Variants in SBF2 observed in about 807,000 individuals in gnomAD.
SBF2 encodes SET binding factor 2.
SBF2 carries 112 observed loss-of-function variants against 225.2 expected under a neutral mutation model. The observed-to-expected ratio is 0.50, with a 90% CI of 0.43 to 0.58. The LOEUF (loss-of-function observed/expected upper bound fraction) is 0.58. Ranked by LOEUF, SBF2 falls within the 20% of genes least tolerant of loss-of-function variation. The pLI is 0.00. For synonymous variants in SBF2, 763 were observed against 773.3 expected (o/e 0.99, Z 0.22); for missense variants, 1,996 against 2,206.2 (o/e 0.90, Z 1.91).
At chr11:10,080,063 C>T (rs2134857875) in intron 2 of SBF2, among the ~76,000 whole-genome samples, 1 of 151,988 alleles carries the variant, frequency 6.6e-6, no homozygotes, top group South Asian at 2.1e-4. Flanking sequence ...GCCTGGCCAA[C>T]ATGGTGAAAC....
At chr11:9,898,065 G>A (rs73418601) in intron 16 of SBF2, among the ~76,000 whole-genome samples, 2,262 of 152,232 alleles carry the variant, frequency 0.015, 48 homozygotes, top group African/African-American at 0.051. Context: ...GAAAACAGGA[G>A]GAAGAGTCAG....
chr11:10,059,682 C>T (rs937744025), intron 2 of SBF2, among the ~76,000 whole-genome samples: 1 of 152,144 alleles, frequency 6.6e-6, no homozygotes, highest in African/African-American at 2.4e-5. Flanking sequence ...CAAACACACT[C>T]TTGGACCACA....
Position 10,228,277 on chromosome 11 carries a change from T to C in SBF2, c.56-34290A>G, listed in dbSNP as rs1958668390. Among the ~76,000 whole-genome samples the C allele has an allele frequency of 2.0e-5, 3 of 152,316 alleles. No individual in the cohort carries two copies. The South Asian group carries it at 6.2e-4, about 32-fold the overall frequency. ...TCATGTCATCTGCAAACAGGGACAGTTTGACTTCCTCTTTTCCTAATTGAA... is the reference window on the plus strand; with the variant it reads ...TCATGTCATCTGCAAACAGGGACAGCTTGACTTCCTCTTTTCCTAATTGAA... On this transcript the variant is annotated intron_variant, in intron 1 of 39. Transcript: ENST00000256190.
At chr11:9,946,623 T>C (rs564971246) in intron 16 of SBF2, among the ~76,000 whole-genome samples, 2 of 152,206 alleles carry the variant, frequency 1.3e-5, no homozygotes, top group African/African-American at 4.8e-5. Flanking sequence ...GCTAATTTTG[T>C]ATTTTTAATA....
chr11:10,101,184 C>T (rs1278106139), intron 2 of SBF2, among the ~76,000 whole-genome samples: 2 of 152,076 alleles, frequency 1.3e-5, no homozygotes, highest in African/African-American at 4.8e-5. Flanking sequence ...ACAGGCCTGA[C>T]TCGGGGAGAC....
chr11:10,111,751 C>T (rs1194174994), intron 2 of SBF2, among the ~76,000 whole-genome samples: 2 of 152,206 alleles, frequency 1.3e-5, no homozygotes, highest in African/African-American at 4.8e-5. Context: ...GTGGCGCACG[C>T]CTGTAATCCC....
In SBF2 at chr11:10,029,980, T is replaced by C. The variant is rs1949196978; in HGVS notation, c.403-105A>G. The C allele has an allele frequency of 4.9e-6, 4 of 809,416 alleles. No individual in the cohort carries two copies. In the South Asian group the frequency reaches 5.5e-5, roughly 11 times the overall value. 50.1% of individuals were successfully genotyped at this position (809,416 alleles called of 1,614,324 possible). On this transcript the variant is annotated intron_variant, in intron 4 of 39. Coordinates refer to ENST00000256190, the MANE Select transcript of SBF2 (RefSeq NM_030962.4). ...ATTTCTCTTTGAACCCAGTAAAGTATATTATACAGTGAACATGGAATACAT... is the reference window on the plus strand; with the variant it reads ...ATTTCTCTTTGAACCCAGTAAAGTACATTATACAGTGAACATGGAATACAT...
intron 1 of SBF2, among the ~76,000 whole-genome samples, chr11:10,288,091 C>T (rs1963918151): frequency 6.6e-6 from 1 of 152,186 alleles, no homozygotes; most frequent in African/African-American, 2.4e-5. Flanking sequence ...AACCACAGGG[C>T]CCCAAAGAAG....
chr11:10,157,027 GC>G (rs1955508520), intron 2 of SBF2, among the ~76,000 whole-genome samples: 1 of 152,132 alleles, frequency 6.6e-6, no homozygotes, highest in Admixed American at 6.5e-5. Context: ...ACACTACGGG[GC>G]TACAGTAACC....
intron 7 of SBF2, among the ~76,000 whole-genome samples, chr11:10,001,429 A>G (rs1947950690): frequency 6.6e-6 from 1 of 151,824 alleles, no homozygotes; most frequent in Admixed American, 6.6e-5. Flanking sequence ...TCCACTTTCT[A>G]TACTTGATTT....
intron 2 of SBF2, among the ~76,000 whole-genome samples, chr11:10,063,329 T>C (rs7932261): frequency 1.3e-5 from 1 of 74,432 alleles, no homozygotes; most frequent in Non-Finnish European, 3.1e-5. Flanking sequence ...GTAAAAAAAA[T>C]ATATATATAT....
intron 32 of SBF2, among the ~76,000 whole-genome samples, chr11:9,805,270 T>G (rs1391647539): frequency 6.6e-6 from 1 of 151,788 alleles, no homozygotes; most frequent in Non-Finnish European, 1.5e-5. Flanking sequence ...ATTATATACA[T>G]GGAATCATAC....
intron 2 of SBF2, among the ~76,000 whole-genome samples, chr11:10,187,307 C>CCT (rs148358560): frequency 8.6e-4 from 129 of 149,678 alleles, no homozygotes; most frequent in African/African-American, 2.9e-3. Flanking sequence ...CTTTTTCTCT[C>CCT]CTCTCTCTCT....
chr11:9,900,051 A>AAAAC (rs1220283124), intron 16 of SBF2, among the ~76,000 whole-genome samples: 3 of 151,374 alleles, frequency 2.0e-5, no homozygotes, highest in African/African-American at 7.3e-5. Context: ...TTTTAAAAAA[A>AAAAC]AAAAACAGGA....
chr11:10,003,817 T>C (rs903312998), intron 6 of SBF2, among the ~76,000 whole-genome samples: 4 of 152,160 alleles, frequency 2.6e-5, no homozygotes, highest in Non-Finnish European at 5.9e-5. Flanking sequence ...ACTTATGAAA[T>C]TGAAGTTATA....
At chr11:9,801,875 T>C (rs1853511724) in intron 32 of SBF2, among the ~76,000 whole-genome samples, 1 of 152,358 alleles carries the variant, frequency 6.6e-6, no homozygotes, top group East Asian at 1.9e-4. Flanking sequence ...GCTTAGCTGC[T>C]CACATATGTG....
chr11:9,812,949 T>G (rs957761053), intron 29 of SBF2, among the ~76,000 whole-genome samples: 1 of 152,260 alleles, frequency 6.6e-6, no homozygotes, highest in African/African-American at 2.4e-5. Context: ...GGTAGATTAC[T>G]TAGCCTAAGA....
intron 17 of SBF2, among the ~76,000 whole-genome samples, chr11:9,888,662 T>C (rs1026464922): frequency 9.9e-5 from 15 of 152,074 alleles, no homozygotes; most frequent in African/African-American, 3.4e-4. Context: ...CTGAAGAAAT[T>C]AGAGGGCAGG....
chr11:10,070,792 G>A (rs894954573), intron 2 of SBF2, among the ~76,000 whole-genome samples: 2 of 152,192 alleles, frequency 1.3e-5, no homozygotes, highest in Admixed American at 1.3e-4. Flanking sequence ...CTATCCATGA[G>A]CATGGAATGT....
Sources: allele counts gnomAD v4.1 joint callset (sites outside exome capture counted in the v4.1 genomes callset), GRCh38; gene constraint gnomAD v4.1.1; transcripts MANE v1.5; gene names NCBI Gene and HGNC (gene_info 2026-07-23, HGNC 2026-07-21).